PHF21B: variants seen among roughly 807,000 people sequenced by gnomAD.
PHF21B encodes PHD finger protein 21B, also known as PHD finger protein 4.
In PHF21B, 22 loss-of-function variants were observed where a neutral mutation model predicts 62.2. That is an observed-to-expected ratio of 0.35 (90% CI 0.25 to 0.51). The LOEUF is 0.51. Among genes scored for constraint, PHF21B ranks in the 20% least tolerant of loss-of-function variants. The pLI is 0.97. For synonymous variants in PHF21B, 341 were observed against 314.7 expected (o/e 1.08, Z -0.88); for missense variants, 701 against 707.9 (o/e 0.99, Z 0.11).
chr22:44,922,134 A>C (rs184530596), intron 2 of PHF21B, among the ~76,000 whole-genome samples: 1 of 152,254 alleles, frequency 6.6e-6, no homozygotes, highest in African/African-American at 2.4e-5. Context: ...AATTCTAACA[A>C]TAACAAAAAG....
chr22:44,885,329 T>C, intron 12 of PHF21B, 97 bp downstream of exon 12: 2 of 1,190,122 alleles, frequency 1.7e-6, no homozygotes, highest in South Asian at 1.5e-5. Context: ...CCAGCCTGGA[T>C]CTACACCTGT....
intron 2 of PHF21B, among the ~76,000 whole-genome samples, chr22:44,948,500 G>A (rs565426996): frequency 1.3e-5 from 2 of 151,814 alleles, no homozygotes; most frequent in East Asian, 3.9e-4. Flanking sequence ...TAGCCAACAC[G>A]GCAAAATCCA....
intron 3 of PHF21B, among the ~76,000 whole-genome samples, chr22:44,919,206 G>A (rs59157762): frequency 1.4e-5 from 2 of 138,258 alleles, no homozygotes; most frequent in African/African-American, 5.9e-5. Context: ...GTCTCTTTCT[G>A]GCATGGCCCG....
chr22:44,913,186 T>G (rs1197057038), intron 5 of PHF21B, among the ~76,000 whole-genome samples: 1 of 152,198 alleles, frequency 6.6e-6, no homozygotes, highest in East Asian at 1.9e-4. Context: ...ACATAGGCAA[T>G]TTCTGGCAAG....
At chr22:44,892,918 G>A (rs1484963018) in intron 7 of PHF21B, among the ~76,000 whole-genome samples, 5 of 152,182 alleles carry the variant, frequency 3.3e-5, no homozygotes, top group Admixed American at 1.3e-4. Context: ...GCACTGGACC[G>A]ATTTTGGTGT....
rs187170175 is a variant in PHF21B at position 44,965,373 on chromosome 22, C to T, written c.120+43172G>A. Among the ~76,000 whole-genome samples, 14 of 152,176 alleles carry T rather than the reference C, an allele frequency of 9.2e-5. No homozygotes were observed. In the East Asian group the frequency reaches 2.7e-3, roughly 29 times the overall value. ...GCCTATCCCTCCCCCGCCACCACTA[C>T]ACTAGCCACCTGCACCCAGTGGAGC... On this transcript the variant is annotated intron_variant, in intron 2 of 12. Coordinates refer to ENST00000313237, the MANE Select transcript of PHF21B (RefSeq NM_138415.5).
chr22:44,890,642 A>C (rs2070946731), intron 8 of PHF21B, among the ~76,000 whole-genome samples: 1 of 152,254 alleles, frequency 6.6e-6, no homozygotes, highest in Admixed American at 6.5e-5. Flanking sequence ...TGGTTTTCTA[A>C]CTGAAGAGAA....
intron 2 of PHF21B, among the ~76,000 whole-genome samples, chr22:44,931,029 C>A (rs1463064128): frequency 6.6e-6 from 1 of 152,246 alleles, no homozygotes; most frequent in Non-Finnish European, 1.5e-5. Context: ...CCAAAGCCAG[C>A]TTCAGCAAGC....
In PHF21B at chr22:44,913,901, G is replaced by T; in HGVS notation, c.752C>A (p.Pro251His). The change falls in exon 5 of 13, where the codon CCC (proline) becomes CAC (histidine). Residue 251 changes from proline to histidine, a missense_variant. Transcript: ENST00000313237. ...AGCTCCCTGAGATGGCTCCTCTGTG[G>T]GCGGCCGCGACTCTGCCGTGCTCTC... is the stretch of plus-strand genomic sequence containing the variant. ...QPESTAESRP[P>H]TEEPSQGAQA... 6.2e-7 allele frequency: 1 copy of T among 1,613,974 alleles called. No individual in the cohort carries two copies. Among genetic ancestry groups the T allele is most frequent in the South Asian group, 1.1e-5 (1 of 91,054 alleles).
At chr22:44,907,513 T>C (rs936277612) in intron 5 of PHF21B, among the ~76,000 whole-genome samples, 8 of 152,154 alleles carry the variant, frequency 5.3e-5, no homozygotes, top group Admixed American at 1.3e-4. Context: ...GCCCTGGGCT[T>C]AGGATCATGA....
chr22:44,986,192 C>G (rs1220478604), intron 2 of PHF21B, among the ~76,000 whole-genome samples: 2 of 151,876 alleles, frequency 1.3e-5, no homozygotes, highest in Non-Finnish European at 2.9e-5. Context: ...TCACCAGCAG[C>G]ATCACCGCCA....
chr22:44,931,244 A>G (rs1245122233), intron 2 of PHF21B, among the ~76,000 whole-genome samples: 1 of 151,924 alleles, frequency 6.6e-6, no homozygotes. Flanking sequence ...TAAAGTTCTG[A>G]CTCCAGAATG....
At chr22:44,918,351 G>A (rs1315964138) in intron 3 of PHF21B, among the ~76,000 whole-genome samples, 2 of 152,206 alleles carry the variant, frequency 1.3e-5, no homozygotes, top group Non-Finnish European at 2.9e-5. Flanking sequence ...CAGACTCTGG[G>A]CATGGGCGAG....
At chr22:44,969,647 T>C (rs910630377) in intron 2 of PHF21B, among the ~76,000 whole-genome samples, 7 of 151,574 alleles carry the variant, frequency 4.6e-5, no homozygotes, top group African/African-American at 1.5e-4. Context: ...GCCTGGGTCA[T>C]ACAGCGAGAC....
intron 2 of PHF21B, among the ~76,000 whole-genome samples, chr22:44,931,642 G>GGC (rs1555943181): frequency 4.6e-4 from 63 of 137,284 alleles, no homozygotes; most frequent in South Asian, 9.0e-4. Flanking sequence ...TGTGATCTTG[G>GGC]GGGGGGGGTG....
intron 2 of PHF21B, among the ~76,000 whole-genome samples, chr22:44,947,811 G>A (rs980353597): frequency 4.6e-5 from 7 of 152,058 alleles, no homozygotes; most frequent in African/African-American, 1.2e-4. Context: ...TTGTCACTTC[G>A]GCTCTGCTTG....
intron 2 of PHF21B, among the ~76,000 whole-genome samples, chr22:44,944,084 T>C (rs2072016026): frequency 6.6e-6 from 1 of 152,152 alleles, no homozygotes; most frequent in Non-Finnish European, 1.5e-5. Flanking sequence ...TTCGGTAAGA[T>C]GCTGAGCCCC....
intron 2 of PHF21B, among the ~76,000 whole-genome samples, chr22:44,931,695 T>C (rs2071746405): frequency 6.6e-6 from 1 of 151,712 alleles, no homozygotes. Flanking sequence ...CAGGTGCATG[T>C]GTAGAGGTGT....
intron 2 of PHF21B, among the ~76,000 whole-genome samples, chr22:44,941,365 A>G (rs1469069838): frequency 6.6e-6 from 1 of 152,200 alleles, no homozygotes; most frequent in Non-Finnish European, 1.5e-5. Flanking sequence ...TTTGCCCCGG[A>G]GTGGATCAGG....
Sources: gnomAD v4.1 joint callset for allele counts (sites outside exome capture counted in the v4.1 genomes callset) on GRCh38, gnomAD v4.1.1 for gene constraint, MANE v1.5 for transcripts, NCBI Gene and HGNC (gene_info 2026-07-23, HGNC 2026-07-21) for gene names.